Variants in PRELID2 observed in about 807,000 individuals in gnomAD.
PRELID2 encodes PRELI domain containing 2.
Under a neutral mutation model 28.4 loss-of-function variants are expected in PRELID2, and 25 were observed. That is an observed-to-expected ratio of 0.88 (90% CI 0.64 to 1.23). The LOEUF (loss-of-function observed/expected upper bound fraction) is 1.23, where lower values mean the gene tolerates loss of function less well. Among genes scored for constraint, PRELID2 ranks in the 50% most tolerant of loss-of-function variants. The probability of loss-of-function intolerance (pLI) is 0.00; values close to 1 mark genes in which losing one functional copy is unlikely to be tolerated. For missense variants in PRELID2, 201 were observed against 214.4 expected (o/e 0.94, Z 0.39); for synonymous variants, 76 against 71.6 (o/e 1.06, Z -0.31).
chr5:145,754,378 A>G (rs1372974780), downstream of PRELID2: 1 of 152,194 alleles, frequency 6.6e-6, no homozygotes, highest in African/African-American at 2.4e-5. Context: ...TCCTTTAAAT[A>G]AGTAATCATT....
At chr5:145,522,840 G>A (rs1752575291) in intron 1 of PRELID2, among the ~76,000 whole-genome samples, 1 of 151,650 alleles carries the variant, frequency 6.6e-6, no homozygotes, top group Non-Finnish European at 1.5e-5. Context: ...GAAGAAGGAG[G>A]AGGAAGAGAA....
At chr5:145,640,487 A>G (rs1189919207) in intron 1 of PRELID2, among the ~76,000 whole-genome samples, 1 of 148,028 alleles carries the variant, frequency 6.8e-6, no homozygotes, top group East Asian at 2.0e-4. Flanking sequence ...AAAAAAAAAA[A>G]AAAAAAATTG....
chr5:145,599,199 C>A (rs1054972042), intron 1 of PRELID2, among the ~76,000 whole-genome samples: 2 of 152,144 alleles, frequency 1.3e-5, no homozygotes, highest in Non-Finnish European at 2.9e-5. Context: ...ATATTTCTGC[C>A]CATGACAGTT....
the PRELID2 span, among the ~76,000 whole-genome samples, chr5:145,424,602 C>T: frequency 2.0e-3 from 303 of 152,272 alleles, 1 homozygote; most frequent in African/African-American, 6.5e-3. Flanking sequence ...GGCTCGCGCA[C>T]GGTGCGCGCA....
At chr5:145,349,241 C>A in the PRELID2 span, among the ~76,000 whole-genome samples, 2 of 152,066 alleles carry the variant, frequency 1.3e-5, no homozygotes, top group African/African-American at 4.8e-5. Context: ...CTCAACTAAA[C>A]CCCCTTTTTG....
chr5:145,231,739 C>G, the PRELID2 span, among the ~76,000 whole-genome samples: 1 of 152,028 alleles, frequency 6.6e-6, no homozygotes, highest in Admixed American at 6.6e-5. Context: ...GTATTGATGT[C>G]TTGGTGGGAG....
Position 145,693,598 on chromosome 5 carries a change from G to A in PRELID2, n.70+71333C>T, listed in dbSNP as rs2149697306. Reference sequence around the variant, plus strand: ...AGCCTGGACAACATAGCAAGATCCTGTCTCCAAAATAAAAAATTTTAAAAA... The same window carrying A: ...AGCCTGGACAACATAGCAAGATCCTATCTCCAAAATAAAAAATTTTAAAAA... On this transcript the variant is annotated intron_variant and non_coding_transcript_variant, in intron 1 of 2. Transcript: ENST00000510259. 2.0e-5 allele frequency among the ~76,000 whole-genome samples: 3 copies of A among 152,204 alleles called. No homozygotes were observed. In the Middle Eastern group the frequency reaches 0.01, roughly 518 times the overall value.
chr5:145,319,541 G>C, the PRELID2 span, among the ~76,000 whole-genome samples: 1 of 151,868 alleles, frequency 6.6e-6, no homozygotes, highest in Non-Finnish European at 1.5e-5. Flanking sequence ...TGTGGTGATG[G>C]GCGCCTGTAG....
chr5:145,691,138 G>A (rs1324415406), intron 1 of PRELID2, among the ~76,000 whole-genome samples: 1 of 152,152 alleles, frequency 6.6e-6, no homozygotes, highest in African/African-American at 2.4e-5. Flanking sequence ...CTTGCACTGT[G>A]AGTTCTTTAC....
chr5:145,375,328 T>C, the PRELID2 span, among the ~76,000 whole-genome samples: 3 of 152,104 alleles, frequency 2.0e-5, no homozygotes, highest in Admixed American at 2.0e-4. Flanking sequence ...GGCTGGATAA[T>C]AGCAAAGATG....
At chr5:145,706,622 G>A (rs1755554643) in intron 1 of PRELID2, among the ~76,000 whole-genome samples, 1 of 152,142 alleles carries the variant, frequency 6.6e-6, no homozygotes, top group Non-Finnish European at 1.5e-5. Context: ...GCTAGGTGAT[G>A]TTCAAAAGAT....
chr5:145,685,987 T>C (rs1423819531), intron 1 of PRELID2, among the ~76,000 whole-genome samples: 1 of 152,228 alleles, frequency 6.6e-6, no homozygotes, highest in Non-Finnish European at 1.5e-5. Context: ...TGAAAAGCCC[T>C]TTGTCATGGG....
the PRELID2 span, among the ~76,000 whole-genome samples, chr5:145,319,741 GTAACTCCACCGATGAT>G: frequency 6.6e-6 from 1 of 151,488 alleles, no homozygotes; most frequent in African/African-American, 2.4e-5. Context: ...TTTTTAAAAA[GTAACTCCACCGATGAT>G]TAAAGGTGCT....
chr5:145,256,899 T>G, the PRELID2 span, among the ~76,000 whole-genome samples: 1 of 151,758 alleles, frequency 6.6e-6, no homozygotes, highest in Non-Finnish European at 1.5e-5. Context: ...GTGAAAATAT[T>G]GTTCAAAAAT....
chr5:145,384,599 A>G, the PRELID2 span, among the ~76,000 whole-genome samples: 1,763 of 152,270 alleles, frequency 0.012, 21 homozygotes, highest in Middle Eastern at 0.024. Context: ...GCATTACTAT[A>G]ATGAAATACG....
chr5:145,410,779 C>T, the PRELID2 span, among the ~76,000 whole-genome samples: 1 of 151,992 alleles, frequency 6.6e-6, no homozygotes, highest in African/African-American at 2.4e-5. Flanking sequence ...TCTGCCACTG[C>T]ACTCCCGAAT....
intron 1 of PRELID2, among the ~76,000 whole-genome samples, chr5:145,535,821 C>T (rs572404665): frequency 1.3e-5 from 2 of 152,016 alleles, no homozygotes; most frequent in South Asian, 4.1e-4. Context: ...CTCTTTTTCA[C>T]TTCTTCCTTT....
intron 1 of PRELID2, among the ~76,000 whole-genome samples, chr5:145,614,594 G>A (rs1300994739): frequency 6.6e-6 from 1 of 152,054 alleles, no homozygotes; most frequent in African/African-American, 2.4e-5. Flanking sequence ...TGCAGCTATT[G>A]TAAAAGATGT....
the PRELID2 span, among the ~76,000 whole-genome samples, chr5:145,314,903 T>C: frequency 2.0e-5 from 3 of 151,884 alleles, no homozygotes; most frequent in Admixed American, 2.0e-4. Context: ...ACCTTACTAT[T>C]TGGGTCTGAA....
Sources: allele counts gnomAD v4.1 joint callset (sites outside exome capture counted in the v4.1 genomes callset), GRCh38; gene constraint gnomAD v4.1.1; transcripts MANE v1.5; gene names NCBI Gene and HGNC (gene_info 2026-07-23, HGNC 2026-07-21).